The following DCHS2 variants were observed in gnomAD, a reference collection of about 807,000 sequenced individuals.
The protein encoded by DCHS2 is dachsous cadherin-related 2.
A neutral mutation model predicts 182.4 loss-of-function variants in DCHS2; 142 were observed. The ratio of observed to expected loss-of-function variants is 0.78; its 90% confidence interval spans 0.68 to 0.89. The LOEUF (loss-of-function observed/expected upper bound fraction) is 0.89, where lower values mean the gene tolerates loss of function less well. Among genes scored for constraint, DCHS2 ranks in the 40% least tolerant of loss-of-function variants. DCHS2 has a pLI of 0.00. For synonymous variants in DCHS2, 1,740 were observed against 1,663.3 expected, an observed-to-expected ratio of 1.05 and a Z score of -1.12; for missense variants, 4,319 against 4,198.6, an observed-to-expected ratio of 1.03 and a Z score of -0.79.
chr4:154,368,626 C>A (rs532969816), intron 2 of DCHS2, among the ~76,000 whole-genome samples: 7 of 152,092 alleles, frequency 4.6e-5, no homozygotes, highest in African/African-American at 1.7e-4. Flanking sequence ...AAGTGATTCT[C>A]CTACCTCAGC....
intron 1 of DCHS2, among the ~76,000 whole-genome samples, chr4:154,442,027 C>T (rs1434325253): frequency 1.3e-5 from 2 of 152,062 alleles, no homozygotes; most frequent in Admixed American, 1.3e-4. Flanking sequence ...CCTTCATAAC[C>T]TCATCAAATA....
At chr4:154,460,330 A>T (rs952982432) in intron 1 of DCHS2, among the ~76,000 whole-genome samples, 1 of 152,208 alleles carries the variant, frequency 6.6e-6, no homozygotes, top group East Asian at 1.9e-4. Flanking sequence ...AACATTTTCC[A>T]TGTGAAGTGG....
chr4:154,417,198 TGTGTGTGAGAGAGAGAGAGAGAGA>T (rs1560745800), intron 1 of DCHS2, among the ~76,000 whole-genome samples: 8 of 65,284 alleles, frequency 1.2e-4, no homozygotes, highest in African/African-American at 1.8e-4. Context: ...TGTGTGTGTG[TGTGTGTGAGAGAGAGAGAGAGAGA>T]GAGAGAGAGA....
At chr4:154,463,194 A>C (rs1351251208) in intron 1 of DCHS2, among the ~76,000 whole-genome samples, 1 of 141,782 alleles carries the variant, frequency 7.1e-6, no homozygotes, top group African/African-American at 2.6e-5. Flanking sequence ...CACACACAGG[A>C]ATTTGGAGGG....
intron 1 of DCHS2, among the ~76,000 whole-genome samples, chr4:154,430,959 A>C (rs1024535872): frequency 4.6e-5 from 7 of 152,074 alleles, no homozygotes; most frequent in African/African-American, 1.7e-4. Context: ...CCCTATCTTA[A>C]TTGCTATGCT....
At chr4:154,338,768 C>T (rs1728931344) in intron 3 of DCHS2, among the ~76,000 whole-genome samples, 1 of 152,098 alleles carries the variant, frequency 6.6e-6, no homozygotes, top group Non-Finnish European at 1.5e-5. Flanking sequence ...AGTAAATATA[C>T]ATGTTTTCAT....
rs1391816250 is a variant in DCHS2, at chr4:154,236,633, A to G, written c.8019T>C (p.His2673=). ...TCCCTAGAGGGGTGCTTTCCTTGAC[A>G]TGGGTGTGATAGCTCAGGCTGCTGA... is the stretch of plus-strand genomic sequence containing the variant. ...PNFSSLSYHT[H]VKESTPLGSH... The change falls in exon 20 of 20, where the codon CAT becomes CAC. Residue 2673 remains histidine (H), a synonymous_variant. Transcript: ENST00000357232. The G allele has an allele frequency of 3.1e-6, 5 of 1,614,020 alleles. No individual in the cohort carries two copies. Among genetic ancestry groups the G allele is most frequent in the African/African-American group, 1.3e-5 (1 of 75,016 alleles).
At chr4:154,486,607 A>G in intron 1 of DCHS2, 1 of 1,217,206 alleles carries the variant, frequency 8.2e-7, no homozygotes, top group Non-Finnish European at 1.1e-6. Context: ...AAAGCCATGG[A>G]ACACAGGAGG....
In DCHS2 at chr4:154,366,367, T is replaced by C. The variant is rs1730360200; in HGVS notation, c.2319A>G (p.Pro773=). 1 of 1,613,950 alleles carries C rather than the reference T, an allele frequency of 6.2e-7. No homozygotes were observed. Among genetic ancestry groups the C allele is most frequent in the Non-Finnish European group, 8.5e-7 (1 of 1,179,942 alleles). ...CACTGATGCTCGTCACATAGGTTGA[T>C]GGGTTAAACACAGGATGATTATCAT... ...DVNDNHPVFN[P]STYVTSISDE... The change falls in exon 3 of 20, where the codon CCA becomes CCG. Residue 773 remains proline (P), a synonymous_variant. Transcript: ENST00000357232.
intron 1 of DCHS2, among the ~76,000 whole-genome samples, chr4:154,434,028 A>G (rs527559210): frequency 6.6e-6 from 1 of 152,394 alleles, no homozygotes; most frequent in Non-Finnish European, 1.5e-5. Flanking sequence ...AAGATAGTCA[A>G]TCCAAATATC....
chr4:154,463,408 A>C (rs1735099876), intron 1 of DCHS2, among the ~76,000 whole-genome samples: 1 of 152,100 alleles, frequency 6.6e-6, no homozygotes, highest in Non-Finnish European at 1.5e-5. Context: ...AAATTGCATG[A>C]CTAGAGAATG....
intron 1 of DCHS2, among the ~76,000 whole-genome samples, chr4:154,420,374 A>G (rs1174996580): frequency 6.6e-6 from 1 of 152,222 alleles, no homozygotes; most frequent in Non-Finnish European, 1.5e-5. Flanking sequence ...ACACAGTTAT[A>G]GAAGCCAAGA....
At chr4:154,422,353 A>T (rs1416585560) in intron 1 of DCHS2, among the ~76,000 whole-genome samples, 1 of 152,162 alleles carries the variant, frequency 6.6e-6, no homozygotes, top group African/African-American at 2.4e-5. Flanking sequence ...ACTCAATATG[A>T]ACTCATCAAG....
chr4:154,445,843 A>C (rs1174875994), intron 1 of DCHS2, among the ~76,000 whole-genome samples: 1 of 151,624 alleles, frequency 6.6e-6, no homozygotes, highest in Admixed American at 6.6e-5. Flanking sequence ...AAGAAAGTAT[A>C]GGCCACCTGC....
intron 3 of DCHS2, 165 bp from the exon 4 acceptor site, chr4:154,335,269 G>C: frequency 1.6e-6 from 1 of 611,976 alleles, no homozygotes; most frequent in South Asian, 1.9e-5. Context: ...GAGTGTGTCT[G>C]TGAGGGTGCT....
In DCHS2 at chr4:154,234,627, A is replaced by G. The variant is rs1731356970; in HGVS notation, c.10025T>C (p.Leu3342Ser). 2 of 1,613,912 alleles carry G rather than the reference A, an allele frequency of 1.2e-6. No homozygotes were observed. The highest frequency in any genetic ancestry group is 1.3e-5 in the African/African-American group (1 of 74,926). The part of the protein sequence containing the change: ...LSLLTMQPPA[L>S]SPLLREGELL... ...TTCTCCTTCTCTCAACAGTGGAGACAAGGCAGGAGGCTGCATCGTCAATAG... is the reference window on the plus strand; with the variant it reads ...TTCTCCTTCTCTCAACAGTGGAGACGAGGCAGGAGGCTGCATCGTCAATAG... Residue 3342 changes from leucine to serine, a missense_variant, in exon 20 of 20, where the codon TTG (leucine) becomes TCG (serine). Physicochemically the swap from Leu to Ser is moderately radical, Grantham distance 145. Transcript: ENST00000357232.
chr4:154,340,164 A>G (rs1284827586), intron 3 of DCHS2, among the ~76,000 whole-genome samples: 1 of 152,302 alleles, frequency 6.6e-6, no homozygotes, highest in East Asian at 1.9e-4. Context: ...TGGGCCTCTA[A>G]AAATAATTGC....
chr4:154,339,876 T>C (rs1300641947), intron 3 of DCHS2, among the ~76,000 whole-genome samples: 1 of 152,240 alleles, frequency 6.6e-6, no homozygotes, highest in Non-Finnish European at 1.5e-5. Context: ...ATACGATGTG[T>C]ATACACACAG....
chr4:154,452,100 A>T (rs1433245033), intron 1 of DCHS2, among the ~76,000 whole-genome samples: 1 of 152,224 alleles, frequency 6.6e-6, no homozygotes, highest in Non-Finnish European at 1.5e-5. Context: ...ACACCACAAC[A>T]TAAACACAAA....
Sources: allele counts gnomAD v4.1 joint callset (sites outside exome capture counted in the v4.1 genomes callset), GRCh38; gene constraint gnomAD v4.1.1; transcripts MANE v1.5; gene names NCBI Gene and HGNC (gene_info 2026-07-23, HGNC 2026-07-21).